ZNF18: variants seen among roughly 807,000 people sequenced by gnomAD.
The protein encoded by ZNF18 is heart development-specific gene 1 protein.
A neutral mutation model predicts 58.1 loss-of-function variants in ZNF18; 42 were observed. The observed-to-expected ratio is 0.72, with a 90% CI of 0.56 to 0.93. The LOEUF is 0.93. ZNF18 is among the 40% of genes least tolerant of loss of function. The pLI is 0.00. For synonymous variants in ZNF18, 231 were observed against 239.8 expected (o/e 0.96, Z 0.34); for missense variants, 540 against 644.2 (o/e 0.84, Z 1.75).
the ZNF18 span, chr17:12,021,278 T>C: frequency 4.3e-5 from 10 of 230,226 alleles, no homozygotes; most frequent in African/African-American, 2.1e-4. Flanking sequence ...GCCCACCTGG[T>C]CCGGGACCGC....
Position 11,992,727 on chromosome 17 carries a change from A to G in ZNF18, c.103T>C (p.Ser35Pro). The change falls in exon 2 of 7, where the codon TCC (serine) becomes CCC (proline). Residue 35 changes from serine (S) to proline (P), a missense_variant. Transcript: ENST00000580306. ...AGCTGGCGTGCGGTCTCAGGGCTGG[A>G]GAGTTCCTCTTGAAGGGCAGCATCT... Reference protein sequence around the residue: ...ESDAALQEELSSPETARQLFR... With the variant: ...ESDAALQEELPSPETARQLFR... 6.2e-7 allele frequency: 1 copy of G among 1,614,246 alleles called. No homozygotes were observed. Among genetic ancestry groups the G allele is most frequent in the African/African-American group, 1.3e-5 (1 of 75,046 alleles).
At chr17:12,014,144 T>C in the ZNF18 span, among the ~76,000 whole-genome samples, 1 of 152,232 alleles carries the variant, frequency 6.6e-6, no homozygotes, top group African/African-American at 2.4e-5. Context: ...TAATAACAAG[T>C]GCTGGTGAAA....
At chr17:12,002,912 G>A in the ZNF18 span, among the ~76,000 whole-genome samples, 4 of 152,132 alleles carry the variant, frequency 2.6e-5, no homozygotes, top group Admixed American at 1.3e-4. Flanking sequence ...CTTACCACAC[G>A]GACAAGGAAG....
chr17:11,981,470 C>T (rs944194551), intron 6 of ZNF18, among the ~76,000 whole-genome samples: 1 of 151,236 alleles, frequency 6.6e-6, no homozygotes, highest in Non-Finnish European at 1.5e-5. Flanking sequence ...CAGGTGCTCA[C>T]ACCATGCCCG....
At position 11,978,745 on chromosome 17, in the gene ZNF18, C is replaced by CT; in HGVS notation, c.863-2dup. ...TCCTTGTCATTCTCTTGTCTATCTC[C>CT]TAAAAGAAGAAAGAAGATTTGAAAT... On this transcript the variant is annotated splice_acceptor_variant, in intron 6 of 6. Transcript: ENST00000580306. LOFTEE classifies it high-confidence loss of function. 6.4e-7 allele frequency: 1 copy of CT among 1,570,086 alleles called. No homozygotes were observed. Among genetic ancestry groups the CT allele is most frequent in the Non-Finnish European group, 8.6e-7 (1 of 1,165,504 alleles).
chr17:11,987,195 T>A (rs569306148), intron 4 of ZNF18, among the ~76,000 whole-genome samples: 1 of 152,322 alleles, frequency 6.6e-6, no homozygotes, highest in South Asian at 2.1e-4. Context: ...GACTTACACT[T>A]AGTTACACGC....
chr17:12,009,181 T>G, the ZNF18 span: 1 of 152,208 alleles, frequency 6.6e-6, no homozygotes, highest in Non-Finnish European at 1.5e-5. Flanking sequence ...TTATCTTAGC[T>G]TTCCTTCACA....
intron 4 of ZNF18, among the ~76,000 whole-genome samples, chr17:11,985,428 G>A (rs575512717): frequency 3.1e-4 from 47 of 152,282 alleles, no homozygotes; most frequent in African/African-American, 1.1e-3. Flanking sequence ...AGAGTTTCAG[G>A]CCTCACCTAA....
chr17:12,014,096 ATGT>A, the ZNF18 span, among the ~76,000 whole-genome samples: 1 of 152,246 alleles, frequency 6.6e-6, no homozygotes, highest in African/African-American at 2.4e-5. Flanking sequence ...TCAAAACATA[ATGT>A]TGTTCACTAG....
Position 11,992,514 on chromosome 17 carries a change from G to T in ZNF18, c.316C>A (p.Pro106Thr). 6.2e-7 allele frequency: 1 copy of T among 1,614,142 alleles called. No individual in the cohort carries two copies. The highest frequency in any genetic ancestry group is 8.5e-7 in the Non-Finnish European group (1 of 1,180,026). ...GTCACTGCCTCTTCTCCACTTCCTGGACACTGTTTCCGCACCCACATCTGG... is the reference window on the plus strand; with the variant it reads ...GTCACTGCCTCTTCTCCACTTCCTGTACACTGTTTCCGCACCCACATCTGG... ...EIQMWVRKQC[P>T]GSGEEAVTLV... The change falls in exon 2 of 7, where the codon CCA becomes ACA. Residue 106 changes from proline (P) to threonine (T), a missense_variant. Transcript: ENST00000580306.
the ZNF18 span, among the ~76,000 whole-genome samples, chr17:12,005,070 C>A: frequency 6.7e-6 from 1 of 149,196 alleles, no homozygotes; most frequent in Non-Finnish European, 1.5e-5. Context: ...ATATTTGTAC[C>A]TTTATATAAG....
chr17:12,016,526 C>A, the ZNF18 span, among the ~76,000 whole-genome samples: 4 of 151,976 alleles, frequency 2.6e-5, no homozygotes, highest in African/African-American at 9.7e-5. Flanking sequence ...GATGGGGTTT[C>A]GCGATGTTGC....
intron 6 of ZNF18, among the ~76,000 whole-genome samples, chr17:11,982,656 A>ATGTG (rs1410943638): frequency 3.1e-4 from 25 of 80,484 alleles, no homozygotes; most frequent in Non-Finnish European, 5.2e-4. Flanking sequence ...GTATATATAA[A>ATGTG]AGTGTGTGTG....
rs1281439413 is a variant in ZNF18 at position 11,978,238 on chromosome 17, T to G, written c.1369A>C (p.Thr457Pro). The G allele has an allele frequency of 1.2e-6, 2 of 1,613,644 alleles. No individual in the cohort carries two copies. The highest frequency in any genetic ancestry group is 1.3e-5 in the African/African-American group (1 of 74,982). Residue 457 changes from threonine to proline, a missense_variant, in exon 7 of 7, where the codon ACT becomes CCT. Transcript: ENST00000580306. ...TTACAGGGCTTCTCTCCCGTGTGAG[T>G]TCTCTGATGCTTCACAAAGTCTGAA... is the stretch of plus-strand genomic sequence containing the variant. ...RSSDFVKHQR[T>P]HTGEKPCKCD...
intron 4 of ZNF18, among the ~76,000 whole-genome samples, chr17:11,989,845 ACAG>A (rs1967987909): frequency 6.6e-6 from 1 of 152,294 alleles, no homozygotes; most frequent in Middle Eastern, 3.4e-3. Context: ...GATGAGATTA[ACAG>A]CAGATCAGAT....
chr17:11,979,218 T>C (rs1486849208), intron 6 of ZNF18, among the ~76,000 whole-genome samples: 1 of 152,126 alleles, frequency 6.6e-6, no homozygotes, highest in Non-Finnish European at 1.5e-5. Flanking sequence ...ACTATGAGCA[T>C]ACATTTCCTT....
the ZNF18 span, among the ~76,000 whole-genome samples, chr17:12,003,189 C>T: frequency 1.3e-5 from 2 of 152,138 alleles, no homozygotes. Context: ...GGCGTGGTGG[C>T]TCACGCCTGT....
chr17:12,014,689 C>T, the ZNF18 span, among the ~76,000 whole-genome samples: 1 of 152,124 alleles, frequency 6.6e-6, no homozygotes, highest in East Asian at 1.9e-4. Context: ...TATAAAGTTT[C>T]CTTTCGGGAT....
At chr17:11,994,511 G>A (rs549707032) in intron 1 of ZNF18, among the ~76,000 whole-genome samples, 8 of 152,240 alleles carry the variant, frequency 5.3e-5, no homozygotes, top group Admixed American at 2.6e-4. Flanking sequence ...CTGTATTTTT[G>A]TGATAAAGTA....
Sources: gnomAD v4.1 joint callset for allele counts (sites outside exome capture counted in the v4.1 genomes callset) on GRCh38, gnomAD v4.1.1 for gene constraint, MANE v1.5 for transcripts, NCBI Gene and HGNC (gene_info 2026-07-23, HGNC 2026-07-21) for gene names.